SNED1: variants seen among roughly 807,000 people sequenced by gnomAD.
The protein encoded by SNED1 is sushi, nidogen and EGF-like domain-containing protein 1.
Under a neutral mutation model 166.7 loss-of-function variants are expected in SNED1, and 81 were observed. That is an observed-to-expected ratio of 0.49 (90% confidence interval 0.41 to 0.58). The LOEUF (loss-of-function observed/expected upper bound fraction) is 0.58, where lower values mean the gene tolerates loss of function less well. Among genes scored for constraint, SNED1 ranks in the 20% least tolerant of loss-of-function variants. SNED1 has a pLI of 0.00. For missense variants in SNED1, 1,604 were observed against 2,000.2 expected (o/e 0.80, Z 3.78); for synonymous variants, 762 against 822.0 (o/e 0.93, Z 1.25).
chr2:241,072,360 G>T (rs989157402), intron 26 of SNED1: 3 of 374,578 alleles, frequency 8.0e-6, no homozygotes, highest in South Asian at 4.0e-5. Context: ...CCTTCCCACC[G>T]GGTTTACTGG....
Position 241,089,496 on chromosome 2 carries a change from C to A in SNED1, c.*1+1094C>A, listed in dbSNP as rs577779436. 45 of 1,451,788 alleles carry A rather than the reference C, an allele frequency of 3.1e-5. 1 individual carries two copies. The South Asian group carries it at 5.6e-4, about 18-fold the overall frequency. 89.9% of individuals were successfully genotyped at this position (1,451,788 alleles called of 1,614,324 possible). ...ACCCCCTTGGGGGAAAGGTCTGGGC[C>A]GGAGCTCCGCACATGGCAGGAACTT... On this transcript the variant is annotated intron_variant, in intron 31 of 31. Coordinates refer to ENST00000310397, the MANE Select transcript of SNED1 (RefSeq NM_001080437.3).
chr2:241,014,866 G>T (rs924314795), intron 1 of SNED1, among the ~76,000 whole-genome samples: 2 of 152,108 alleles, frequency 1.3e-5, no homozygotes, highest in African/African-American at 2.4e-5. Flanking sequence ...AGTCACGCAG[G>T]TTCCATTTTG....
At chr2:241,090,528 A>G in intron 31 of SNED1, 4 of 1,431,450 alleles carry the variant, frequency 2.8e-6, no homozygotes, top group Admixed American at 4.5e-5. Context: ...TGTACTCTAC[A>G]TAATTGTATG....
At chr2:241,082,415 CTCCTCAAAGTG>C in intron 29 of SNED1, 51 bp downstream of exon 29, 1 of 1,417,064 alleles carries the variant, frequency 7.1e-7, no homozygotes, top group Non-Finnish European at 9.9e-7. Context: ...GTGTTCTTGA[CTCCTCAAAGTG>C]CTGTCTCAAA....
At chr2:241,052,532 C>CGG in intron 15 of SNED1, 64 bp downstream of exon 15, 1 of 1,246,298 alleles carries the variant, frequency 8.0e-7, no homozygotes, top group Admixed American at 1.8e-5. Flanking sequence ...GTGAGATGGC[C>CGG]AGGGCCCAAG....
At position 241,013,154 on chromosome 2, in the gene SNED1, C is replaced by T. The variant is rs1008195931; in HGVS notation, c.213+14104C>T. Among the ~76,000 whole-genome samples the T allele has an allele frequency of 1.3e-5, 2 of 152,100 alleles. No homozygotes were observed. The highest frequency in any genetic ancestry group is 2.4e-5 in the African/African-American group (1 of 41,428). On this transcript the variant is annotated intron_variant, in intron 1 of 31. Transcript: ENST00000310397. The surrounding 1 kb of genome is among the most constrained non-coding windows in gnomAD (Gnocchi z 4.6). ...CGGCCACGAGCAGTACTGTTAACTA[C>T]GGTTGCCATGCATTACATGGAGACC...
At chr2:241,035,883 G>T (rs2061340221) in intron 4 of SNED1, among the ~76,000 whole-genome samples, 1 of 112,252 alleles carries the variant, frequency 8.9e-6, no homozygotes, top group East Asian at 2.9e-4. Flanking sequence ...TGGGAGGTGG[G>T]GGCGTGCCAT....
intron 16 of SNED1, among the ~76,000 whole-genome samples, chr2:241,057,802 A>G (rs2062107100): frequency 6.6e-6 from 1 of 152,240 alleles, no homozygotes; most frequent in Admixed American, 6.5e-5. Context: ...TCAGAGGCTT[A>G]GCAAAAAAAA....
intron 27 of SNED1, among the ~76,000 whole-genome samples, chr2:241,077,427 C>T (rs2063082045): frequency 6.6e-6 from 1 of 152,160 alleles, no homozygotes; most frequent in Non-Finnish European, 1.5e-5. Flanking sequence ...AACTACTCTT[C>T]ATCAAAACTT....
At chr2:241,037,051 C>A in intron 5 of SNED1, 136 bp downstream of exon 5, 1 of 1,213,156 alleles carries the variant, frequency 8.2e-7, no homozygotes. Context: ...GGGTGACTTG[C>A]TTAGGGGACC....
intron 26 of SNED1, chr2:241,072,275 C>G: frequency 4.3e-6 from 2 of 467,838 alleles, no homozygotes; most frequent in Admixed American, 2.3e-5. Flanking sequence ...GAGTGTGGTC[C>G]GGCAAATCCT....
intron 31 of SNED1, chr2:241,090,215 T>C (rs991033607): frequency 1.4e-4 from 214 of 1,480,802 alleles, no homozygotes; most frequent in Middle Eastern, 2.2e-4. Context: ...TTTTTAATTG[T>C]TTTTTACTAT....
In SNED1 at chr2:241,033,858, G is replaced by A. The variant is rs1456840079; in HGVS notation, c.625G>A (p.Gly209Arg). 3.7e-6 allele frequency: 6 copies of A among 1,604,502 alleles called. No individual in the cohort carries two copies. The highest frequency in any genetic ancestry group is 1.3e-5 in the African/African-American group (1 of 74,796). The change falls in exon 3 of 32, where the codon GGG (glycine) becomes AGG (arginine). Residue 209 changes from glycine (G) to arginine (R), a missense_variant. Around this residue, in one of 2 missense-constraint regions of SNED1, gnomAD observed 1,237 missense variants for 1,620.8 expected, o/e 0.76. Coordinates refer to ENST00000310397, the MANE Select transcript of SNED1 (RefSeq NM_001080437.3). Reference sequence around the variant, plus strand: ...CAGCGGGGGCAACGCCACTGGCCTCGGGGGCATCGCAGCCCAGGTAGGCGA... The same window carrying A: ...CAGCGGGGGCAACGCCACTGGCCTCAGGGGCATCGCAGCCCAGGTAGGCGA... ...ASSGGNATGL[G>R]GIAAQAGFNA...
At chr2:241,058,627 A>G (rs539071256) in intron 16 of SNED1, among the ~76,000 whole-genome samples, 5 of 152,350 alleles carry the variant, frequency 3.3e-5, no homozygotes, top group African/African-American at 7.2e-5. Context: ...AGAAAGATCA[A>G]TGAAACCAAA....
At position 241,065,508 on chromosome 2, in the gene SNED1, G is replaced by T. The variant is rs369656990; in HGVS notation, c.2923G>T (p.Ala975Ser). ...GCTCCAGGCCCTGGCGGCCGGCAGG[G>T]CCTACAACATCTCCGTCTTCTCAGT... is the stretch of plus-strand genomic sequence containing the variant. ...HQLQALAAGR[A>S]YNISVFSVKR... Residue 975 changes from alanine to serine, a missense_variant, in exon 21 of 32, where the codon GCC becomes TCC. Ala to Ser is a moderately conservative substitution (Grantham distance 99). Transcript: ENST00000310397. 6.2e-7 allele frequency: 1 copy of T among 1,612,910 alleles called. No homozygotes were observed. The highest frequency in any genetic ancestry group is 1.3e-5 in the African/African-American group (1 of 75,058).
rs1553574678 is a variant in SNED1 at position 241,057,412 on chromosome 2, T to TATATATATATGC, written c.2257+4086_2257+4087insATATATATATGC. ...ATATATATATATATATATATATATA[T>TATATATATATGC]GCCATACGCAGTGGCTCACACATAT... is the stretch of plus-strand genomic sequence containing the variant. On this transcript the variant is annotated intron_variant, in intron 16 of 31. Transcript: ENST00000310397. Among the ~76,000 whole-genome samples the TATATATATATGC allele has an allele frequency of 7.0e-4, 90 of 129,374 alleles. 1 individual carries two copies. Among genetic ancestry groups the TATATATATATGC allele is most frequent in the African/African-American group, 2.6e-3 (89 of 33,860 alleles). 84.9% of individuals were successfully genotyped at this position (129,374 alleles called of 152,430 possible).
chr2:240,998,149 C>CG (rs1195110020), upstream of SNED1, among the ~76,000 whole-genome samples: 1 of 152,254 alleles, frequency 6.6e-6, no homozygotes, highest in African/African-American at 2.4e-5. Flanking sequence ...GTCTCCGGCC[C>CG]GGGCTCTTCC....
rs2064077471 is a variant in SNED1, at chr2:241,092,273, A to G, written c.*637A>G. On this transcript the variant is annotated 3_prime_UTR_variant, in exon 32 of 32. Coordinates refer to ENST00000310397, the MANE Select transcript of SNED1 (RefSeq NM_001080437.3). The surrounding 1 kb of genome is among the most constrained non-coding windows in gnomAD (Gnocchi z 4.6). ...GGTGGAGTTCAGACTTTTTTAGACAACGGCGCGACTGGCAGCCTTTCTCTA... is the reference window on the plus strand; with the variant it reads ...GGTGGAGTTCAGACTTTTTTAGACAGCGGCGCGACTGGCAGCCTTTCTCTA... The G allele has an allele frequency of 6.6e-6, 1 of 152,178 alleles. No homozygotes were observed. Among genetic ancestry groups the G allele is most frequent in the Non-Finnish European group, 1.5e-5 (1 of 68,026 alleles). 9.4% of individuals were successfully genotyped at this position (152,178 alleles called of 1,614,324 possible). A position where few individuals can be genotyped will look rare whatever the true frequency, so the allele number is the denominator to read the frequency against.
chr2:241,002,514 C>G (rs775075724), intron 1 of SNED1, among the ~76,000 whole-genome samples: 5 of 152,120 alleles, frequency 3.3e-5, no homozygotes, highest in Non-Finnish European at 5.9e-5. Flanking sequence ...CTTGCTGCTG[C>G]CTGGGTGTGA....
Sources: gnomAD v4.1 joint callset for allele counts (sites outside exome capture counted in the v4.1 genomes callset) on GRCh38, gnomAD v4.1.1 for gene constraint, gnomAD v4.1.1 regional missense constraint, Gnocchi (gnomAD v3.1) non-coding constraint, MANE v1.5 for transcripts, NCBI Gene and HGNC (gene_info 2026-07-23, HGNC 2026-07-21) for gene names.